The following DHX9 variants were observed in gnomAD, a reference collection of about 807,000 sequenced individuals.
DHX9 encodes DExH-box helicase 9, also known as ATP-dependent RNA helicase A.
A neutral mutation model predicts 148.7 loss-of-function variants in DHX9; 27 were observed. The observed-to-expected ratio is 0.18, with a 90% CI of 0.13 to 0.25. The LOEUF is 0.25. Ranked by LOEUF, DHX9 falls within the 10% of genes least tolerant of loss-of-function variation. The probability of loss-of-function intolerance (pLI) is 1.00; values close to 1 mark genes in which losing one functional copy is unlikely to be tolerated. For synonymous variants in DHX9, 529 were observed against 516.6 expected, an observed-to-expected ratio of 1.02 and a Z score of -0.33; for missense variants, 796 against 1,559.6, an observed-to-expected ratio of 0.51 and a Z score of 8.25.
At chr1:182,863,206 CAT>C (rs770697591) in intron 12 of DHX9, among the ~76,000 whole-genome samples, 16 of 152,084 alleles carry the variant, frequency 1.1e-4, no homozygotes, top group Non-Finnish European at 1.9e-4. Context: ...CCAAGTGTAA[CAT>C]AGTTAAAATA....
In DHX9 at chr1:182,883,525, A is replaced by C. The variant is rs867550332; in HGVS notation, c.3150A>C (p.Arg1050=). ...SPFFVFGEKI[R]TRAISAKGMT... ...GTCTCTTTCTCCATTTGCAGATTCG[A>C]ACTCGAGCCATCTCTGCTAAAGGCA... is the stretch of plus-strand genomic sequence containing the variant. Residue 1050 remains arginine (R), a synonymous_variant, in exon 26 of 28, where the codon CGA becomes CGC. Coordinates refer to ENST00000367549, the MANE Select transcript of DHX9 (RefSeq NM_001357.5). 5 of 1,613,348 alleles carry C rather than the reference A, an allele frequency of 3.1e-6. 1 individual carries two copies. In the South Asian group the frequency reaches 3.3e-5, roughly 11 times the overall value.
chr1:182,860,493 A>G (rs540625581), intron 12 of DHX9, among the ~76,000 whole-genome samples: 6 of 152,202 alleles, frequency 3.9e-5, no homozygotes, highest in East Asian at 3.8e-4. Flanking sequence ...ATCTCTATCT[A>G]ACCACCTTGA....
chr1:182,867,123 T>G (rs1211966055), intron 14 of DHX9, 80 bp downstream of exon 14: 2 of 845,990 alleles, frequency 2.4e-6, no homozygotes, highest in Non-Finnish European at 3.5e-6. Flanking sequence ...TTGTTTTCCC[T>G]TTCCCCCGTT....
intron 12 of DHX9, among the ~76,000 whole-genome samples, chr1:182,866,141 G>A (rs1648285529): frequency 2.0e-5 from 3 of 152,134 alleles, no homozygotes; most frequent in African/African-American, 7.2e-5. Context: ...TTAGTGTGGC[G>A]ATCGGTTACA....
At chr1:182,846,076 A>G (rs934597078) in intron 3 of DHX9, among the ~76,000 whole-genome samples, 6 of 151,938 alleles carry the variant, frequency 3.9e-5, no homozygotes, top group Non-Finnish European at 7.4e-5. Context: ...CAGCCCTCTA[A>G]TCTTTCCTTG....
intron 3 of DHX9, among the ~76,000 whole-genome samples, chr1:182,847,195 A>C (rs1668047793): frequency 1.3e-5 from 2 of 152,238 alleles, no homozygotes; most frequent in Admixed American, 1.3e-4. Flanking sequence ...TACTACTAAC[A>C]TCTGAGTCAT....
chr1:182,876,988 T>C, intron 19 of DHX9, 85 bp downstream of exon 19: 1 of 889,288 alleles, frequency 1.1e-6, no homozygotes, highest in Non-Finnish European at 1.8e-6. Flanking sequence ...AAACACCTTA[T>C]TTTTAAACTC....
At chr1:182,873,040 C>T (rs1426150427) in intron 15 of DHX9, among the ~76,000 whole-genome samples, 3 of 152,190 alleles carry the variant, frequency 2.0e-5, no homozygotes, top group South Asian at 4.1e-4. Context: ...ACTGCAACCT[C>T]TGGCTCCCAG....
intron 14 of DHX9, among the ~76,000 whole-genome samples, chr1:182,870,066 C>A (rs897701121): frequency 1.3e-5 from 2 of 152,110 alleles, no homozygotes; most frequent in African/African-American, 4.8e-5. Flanking sequence ...TTTATACTTA[C>A]ACAAATAACT....
intron 12 of DHX9, among the ~76,000 whole-genome samples, chr1:182,865,691 T>C (rs548612410): frequency 4.5e-4 from 68 of 152,332 alleles, no homozygotes; most frequent in African/African-American, 1.6e-3. Flanking sequence ...CAGGAACTTA[T>C]AGACAGAATC....
At chr1:182,849,133 A>C (rs1294973453) in intron 3 of DHX9, among the ~76,000 whole-genome samples, 1 of 152,164 alleles carries the variant, frequency 6.6e-6, no homozygotes, top group Non-Finnish European at 1.5e-5. Context: ...TTTCATAATC[A>C]CTTATTTCAT....
chr1:182,879,213 C>T (rs1648971463), intron 20 of DHX9, 37 bp from the exon 21 acceptor site: 2 of 1,428,100 alleles, frequency 1.4e-6, no homozygotes, highest in East Asian at 2.4e-5. Context: ...TGTGTATACA[C>T]AAGGAGGATG....
intron 14 of DHX9, 40 bp downstream of exon 14, chr1:182,867,083 C>G: frequency 1.6e-6 from 2 of 1,274,492 alleles, no homozygotes; most frequent in Non-Finnish European, 2.1e-6. Context: ...CTTAATTCTG[C>G]TATTTCTAAG....
intron 6 of DHX9, among the ~76,000 whole-genome samples, chr1:182,855,167 T>G (rs1411601626): frequency 1.1e-4 from 17 of 152,226 alleles, no homozygotes; most frequent in Admixed American, 1.1e-3. Flanking sequence ...GTCAGCCTTT[T>G]TAAAACCGTC....
At chr1:182,846,644 TTTTTAAGA>T (rs2102590019) in intron 3 of DHX9, among the ~76,000 whole-genome samples, 1 of 152,326 alleles carries the variant, frequency 6.6e-6, no homozygotes, top group South Asian at 2.1e-4. Flanking sequence ...GTAGTCTGTG[TTTTTAAGA>T]TCTTTTCCTG....
At position 182,871,984 on chromosome 1, in the gene DHX9, T is replaced by G. The variant is rs563146786; in HGVS notation, c.1558-353T>G. 3.3e-5 allele frequency among the ~76,000 whole-genome samples: 5 copies of G among 152,216 alleles called. No homozygotes were observed. In the South Asian group the frequency reaches 1.0e-3, roughly 32 times the overall value. On this transcript the variant is annotated intron_variant, in intron 14 of 27. Coordinates refer to ENST00000367549, the MANE Select transcript of DHX9 (RefSeq NM_001357.5). ...ACCACACTGGGCTAATTTTGTATTT[T>G]TAGTCGAGACAGGATTTCTCCATGT...
rs1452134833 is a variant in DHX9 at position 182,858,780 on chromosome 1, T to C, written c.948T>C (p.Ala316=). 3 of 1,614,064 alleles carry C rather than the reference T, an allele frequency of 1.9e-6. No homozygotes were observed. Among genetic ancestry groups the C allele is most frequent in the Non-Finnish European group, 1.7e-6 (2 of 1,180,036 alleles). Residue 316 remains alanine (A), a synonymous_variant, in exon 10 of 28, where the codon GCT becomes GCC. Transcript: ENST00000367549. ...TTGCACTCAACATTGGCAAATTGGC[T>C]CAGTTCGAACCATCTCAGCGACAAA... ...VPVALNIGKL[A]QFEPSQRQNQ...
chr1:182,866,109 AAAT>A (rs1225240862), intron 12 of DHX9, among the ~76,000 whole-genome samples: 8 of 152,190 alleles, frequency 5.3e-5, no homozygotes, highest in Non-Finnish European at 4.4e-5. Flanking sequence ...GGTCTCAGTT[AAAT>A]AATTTTCTAA....
At chr1:182,878,443 T>C (rs1038579714) in intron 20 of DHX9, among the ~76,000 whole-genome samples, 1 of 152,238 alleles carries the variant, frequency 6.6e-6, no homozygotes, top group Non-Finnish European at 1.5e-5. Context: ...TGCATTTCCC[T>C]CATTCTATAA....
Sources: allele counts gnomAD v4.1 joint callset (sites outside exome capture counted in the v4.1 genomes callset), GRCh38; gene constraint gnomAD v4.1.1; transcripts MANE v1.5; gene names NCBI Gene and HGNC (gene_info 2026-07-23, HGNC 2026-07-21).